C16orf96: variants seen among roughly 807,000 people sequenced by gnomAD.
C16orf96 encodes the protein chromosome 16 open reading frame 96.
Under a neutral mutation model 103.6 loss-of-function variants are expected in C16orf96, and 108 were observed. The observed-to-expected ratio is 1.04, with a 90% confidence interval of 0.89 to 1.22. The LOEUF (loss-of-function observed/expected upper bound fraction) is 1.22. C16orf96 is among the 50% of genes most tolerant of loss of function. The probability of loss-of-function intolerance (pLI) is 0.00; values close to 1 mark genes in which losing one functional copy is unlikely to be tolerated. For synonymous variants in C16orf96, 566 were observed against 593.5 expected, an observed-to-expected ratio of 0.95 and a Z score of 0.67; for missense variants, 1,586 against 1,464.2, an observed-to-expected ratio of 1.08 and a Z score of -1.36.
chr16:4,565,469 G>C (rs1395410242), intron 1 of C16orf96, among the ~76,000 whole-genome samples: 1 of 152,202 alleles, frequency 6.6e-6, no homozygotes, highest in Non-Finnish European at 1.5e-5. Context: ...GGAGGTTGTA[G>C]TAAGCTGAGA....
the C16orf96 span, among the ~76,000 whole-genome samples, chr16:4,548,561 T>C: frequency 6.6e-6 from 1 of 152,130 alleles, no homozygotes; most frequent in East Asian, 1.9e-4. Context: ...CAAGAACTTT[T>C]GCGCCTAAAA....
intron 1 of C16orf96, among the ~76,000 whole-genome samples, chr16:4,564,126 G>A (rs992960911): frequency 5.3e-5 from 8 of 151,838 alleles, no homozygotes; most frequent in African/African-American, 7.3e-5. Context: ...CCGAGATTGC[G>A]CCACTGCACT....
At chr16:4,573,755 AAAAAAAAAAAAAG>A (rs1323068722) in intron 2 of C16orf96, among the ~76,000 whole-genome samples, 2 of 150,394 alleles carry the variant, frequency 1.3e-5, no homozygotes, top group African/African-American at 2.4e-5. Context: ...CTGTCTCAAA[AAAAAAAAAAAAAG>A]AAAAAAGAAA....
At chr16:4,557,744 A>T (rs1244158387) in intron 1 of C16orf96, among the ~76,000 whole-genome samples, 1 of 152,120 alleles carries the variant, frequency 6.6e-6, no homozygotes, top group Non-Finnish European at 1.5e-5. Context: ...GTCATGGCTC[A>T]CTGTAGCCTC....
chr16:4,598,896 T>C (rs1165471955), intron 14 of C16orf96, among the ~76,000 whole-genome samples: 2 of 152,150 alleles, frequency 1.3e-5, no homozygotes, highest in African/African-American at 4.8e-5. Flanking sequence ...GGTGGGAGGA[T>C]AGCTTGAGCC....
At chr16:4,582,263 CAA>C (rs1423157871) in intron 7 of C16orf96, among the ~76,000 whole-genome samples, 1 of 151,710 alleles carries the variant, frequency 6.6e-6, no homozygotes, top group African/African-American at 2.4e-5. Flanking sequence ...GCCTGGGCGA[CAA>C]GAGCAAGACT....
At chr16:4,587,136 G>C in intron 8 of C16orf96, 23 bp downstream of exon 8, 2 of 1,545,136 alleles carry the variant, frequency 1.3e-6, no homozygotes, top group Non-Finnish European at 1.8e-6. Flanking sequence ...AGGTTCCTCT[G>C]CCTTCCCTGC....
chr16:4,600,551 A>C lies in C16orf96; in HGVS notation c.*234A>C, dbSNP rs1176066107. 73 of 341,746 alleles carry C rather than the reference A, an allele frequency of 2.1e-4. No individual in the cohort carries two copies. Among genetic ancestry groups the C allele is most frequent in the African/African-American group, 1.1e-3 (22 of 20,430 alleles). The allele number at this position is 341,746 out of a possible 1,614,324, so 21.2% of individuals were successfully genotyped here. Reference sequence around the variant, plus strand: ...AGGCTGAGACCCATATGCCCCCCCCACCCCCACCAAGTCCCGTCCCCGGCT... The same window carrying C: ...AGGCTGAGACCCATATGCCCCCCCCCCCCCCACCAAGTCCCGTCCCCGGCT... On this transcript the variant is annotated 3_prime_UTR_variant, in exon 16 of 16. Coordinates refer to ENST00000444310, the MANE Select transcript of C16orf96 (RefSeq NM_001145011.2).
chr16:4,558,214 C>T (rs779884911), intron 1 of C16orf96, among the ~76,000 whole-genome samples: 23 of 152,246 alleles, frequency 1.5e-4, no homozygotes, highest in African/African-American at 4.3e-4. Flanking sequence ...GGGAGCTGCG[C>T]GCTGAGGCGT....
At position 4,576,412 on chromosome 16, in the gene C16orf96, C is replaced by G; in HGVS notation, c.1932C>G (p.Ile644Met). 3 of 1,551,160 alleles carry G rather than the reference C, an allele frequency of 1.9e-6. No individual in the cohort carries two copies. The highest frequency in any genetic ancestry group is 2.6e-6 in the Non-Finnish European group (3 of 1,147,010). The change falls in exon 5 of 16, where the codon ATC (isoleucine) becomes ATG (methionine). Residue 644 changes from isoleucine to methionine, a missense_variant. Physicochemically the swap from Ile to Met is conservative, Grantham distance 10. Coordinates refer to ENST00000444310, the MANE Select transcript of C16orf96 (RefSeq NM_001145011.2). ...AGATCTTGGGCGATGATTCCGAAAT[C>G]TACGAAATCCTCTCTCCCTCCTACT... The part of the protein sequence containing the change: ...ESQILGDDSE[I>M]YEILSPSYSA...
At chr16:4,571,537 A>T in intron 1 of C16orf96, 24 bp from the exon 2 acceptor site, 3 of 1,545,964 alleles carry the variant, frequency 1.9e-6, no homozygotes, top group Non-Finnish European at 2.6e-6. Context: ...ACCCGGCTTC[A>T]CATTTTCTCC....
intron 15 of C16orf96, 66 bp from the exon 16 acceptor site, chr16:4,600,034 C>A (rs1897250587): frequency 3.5e-6 from 5 of 1,410,394 alleles, no homozygotes; most frequent in Non-Finnish European, 4.9e-6. Flanking sequence ...GGGATGGCCC[C>A]ATCAGGCTAG....
At chr16:4,547,325 T>C in the C16orf96 span, among the ~76,000 whole-genome samples, 927 of 152,270 alleles carry the variant, frequency 6.1e-3, 7 homozygotes, top group Middle Eastern at 0.031. Flanking sequence ...ATGGTAGAGA[T>C]GGGGTTTCAC....
At position 4,599,303 on chromosome 16, in the gene C16orf96, C is replaced by A; in HGVS notation, c.3147C>A (p.Pro1049=). 1 of 1,551,614 alleles carries A rather than the reference C, an allele frequency of 6.4e-7. No homozygotes were observed. Among genetic ancestry groups the A allele is most frequent in the Non-Finnish European group, 8.7e-7 (1 of 1,146,946 alleles). ...GCTAAGCTGTGAAGGCTCCATCTCCCCCGTCACAAAGCCTGTATGACCGTG... is the reference window on the plus strand; with the variant it reads ...GCTAAGCTGTGAAGGCTCCATCTCCACCGTCACAAAGCCTGTATGACCGTG... ...KELAAVKAPS[P]PSQSLYDRVH... is the part of the protein sequence containing the mutation. Residue 1049 remains proline (P), a synonymous_variant, in exon 15 of 16, where the codon CCC becomes CCA. Transcript: ENST00000444310.
the C16orf96 span, among the ~76,000 whole-genome samples, chr16:4,551,059 G>C: frequency 2.6e-5 from 4 of 152,214 alleles, no homozygotes; most frequent in African/African-American, 9.6e-5. Flanking sequence ...GACCGCTTGA[G>C]GCCAGGAGTT....
chr16:4,562,108 C>A (rs2059338702), intron 1 of C16orf96, among the ~76,000 whole-genome samples: 1 of 152,098 alleles, frequency 6.6e-6, no homozygotes, highest in African/African-American at 2.4e-5. Context: ...GCCATTAATC[C>A]TGTAGCTTCA....
intron 1 of C16orf96, 40 bp downstream of exon 1, chr16:4,556,949 A>G: frequency 6.7e-7 from 1 of 1,497,042 alleles, no homozygotes; most frequent in South Asian, 1.3e-5. Context: ...TCCTCCCTTC[A>G]CCACTGGCTC....
chr16:4,581,939 A>C (rs531013154), intron 7 of C16orf96, among the ~76,000 whole-genome samples: 1 of 152,044 alleles, frequency 6.6e-6, no homozygotes, highest in South Asian at 2.1e-4. Flanking sequence ...TGGGTGACAC[A>C]GAAAGACCAT....
chr16:4,583,458 G>A (rs935528324), intron 7 of C16orf96, among the ~76,000 whole-genome samples: 11 of 150,932 alleles, frequency 7.3e-5, no homozygotes, highest in Admixed American at 7.3e-4. Context: ...GTGAGCTGAG[G>A]TCATGCCACT....
Sources: gnomAD v4.1 joint callset for allele counts (sites outside exome capture counted in the v4.1 genomes callset) on GRCh38, gnomAD v4.1.1 for gene constraint, MANE v1.5 for transcripts, NCBI Gene and HGNC (gene_info 2026-07-23, HGNC 2026-07-21) for gene names.